PPP1R21: variants seen among roughly 807,000 people sequenced by gnomAD.
PPP1R21 encodes the protein KLRAQ motif containing 1.
A neutral mutation model predicts 112.8 loss-of-function variants in PPP1R21; 85 were observed. That is an observed-to-expected ratio of 0.75 (90% CI 0.63 to 0.90). PPP1R21 has a LOEUF of 0.90. PPP1R21 is among the 40% of genes least tolerant of loss of function. PPP1R21 has a pLI of 0.00. For missense variants in PPP1R21, 1,199 were observed against 901.5 expected (o/e 1.33, Z -4.23); for synonymous variants, 381 against 322.3 (o/e 1.18, Z -1.95).
At chr2:48,473,636 C>G (rs1351994008) in intron 11 of PPP1R21, among the ~76,000 whole-genome samples, 1 of 152,010 alleles carries the variant, frequency 6.6e-6, no homozygotes, top group Non-Finnish European at 1.5e-5. Context: ...AGTAAATGGG[C>G]TTAGAATGGA....
At chr2:48,471,977 C>T (rs1437148149) in intron 11 of PPP1R21, among the ~76,000 whole-genome samples, 8 of 151,980 alleles carry the variant, frequency 5.3e-5, no homozygotes, top group African/African-American at 9.7e-5. Flanking sequence ...CAGTGGCTCA[C>T]GCCTGTAATC....
chr2:48,502,484 A>G (rs1670162800), intron 17 of PPP1R21, among the ~76,000 whole-genome samples: 1 of 151,946 alleles, frequency 6.6e-6, no homozygotes, highest in East Asian at 1.9e-4. Context: ...AGTGACCTTA[A>G]GGGAACTAAT....
rs193112782 is a variant in PPP1R21 at position 48,453,341 on chromosome 2, A to G, written c.127-1254A>G. Among the ~76,000 whole-genome samples, 255 of 152,302 alleles carry G rather than the reference A, an allele frequency of 1.7e-3. 1 individual carries two copies. The highest frequency in any genetic ancestry group is 5.9e-3 in the African/African-American group (246 of 41,558). ...AATTGTTTCAGTGAAATTAGTAAAC[A>G]TACAGTTATTTTTTTATTTTCTATT... On this transcript the variant is annotated intron_variant, in intron 2 of 21. Transcript: ENST00000294952.
At chr2:48,482,477 A>T (rs1669060249) in intron 13 of PPP1R21, among the ~76,000 whole-genome samples, 1 of 152,208 alleles carries the variant, frequency 6.6e-6, no homozygotes, top group South Asian at 2.1e-4. Context: ...ATAGCATCAC[A>T]GCCTATGATT....
chr2:48,469,416 C>CAT (rs1245050251), intron 9 of PPP1R21, among the ~76,000 whole-genome samples: 776 of 60,092 alleles, frequency 0.013, 40 homozygotes, highest in Non-Finnish European at 0.02. Flanking sequence ...AGAGAGAGAG[C>CAT]ATATATATAT....
At chr2:48,441,669 G>A (rs1338743423) in intron 1 of PPP1R21, among the ~76,000 whole-genome samples, 1 of 152,184 alleles carries the variant, frequency 6.6e-6, no homozygotes, top group African/African-American at 2.4e-5. Flanking sequence ...AGCAACATGG[G>A]GACCTGCCCC....
In PPP1R21 at chr2:48,486,711, G is replaced by C; in HGVS notation, c.1399G>C (p.Asp467His). ...AACACAGAAGCTGATAACAACTAAT[G>C]ACTGTATCCTGTCATCAGTAGTGGC... ...TATQKLITTN[D>H]CILSSVVALT... Residue 467 changes from aspartate (D) to histidine (H), a missense_variant, in exon 14 of 22, where the codon GAC (aspartate) becomes CAC (histidine). By Grantham distance (81) the Asp-to-His change is moderately conservative. Transcript: ENST00000294952. The C allele has an allele frequency of 6.2e-7, 1 of 1,613,938 alleles. No individual in the cohort carries two copies. Among genetic ancestry groups the C allele is most frequent in the Non-Finnish European group, 8.5e-7 (1 of 1,179,908 alleles).
At position 48,486,748 on chromosome 2, in the gene PPP1R21, G is replaced by C; in HGVS notation, c.1436G>C (p.Gly479Ala). Residue 479 changes from glycine (G) to alanine (A), a missense_variant, in exon 14 of 22, where the codon GGA becomes GCA. By Grantham distance (60) the Gly-to-Ala change is moderately conservative. Transcript: ENST00000294952. ...ILSSVVALTN[G>A]AGKIASFFSN... ...TCATCAGTAGTGGCATTAACAAATG[G>C]AGCAGGAAAGGTAATTCTCTTCTGG... The C allele has an allele frequency of 6.2e-7, 1 of 1,612,440 alleles. No individual in the cohort carries two copies. Among genetic ancestry groups the C allele is most frequent in the Non-Finnish European group, 8.5e-7 (1 of 1,179,386 alleles).
intron 21 of PPP1R21, among the ~76,000 whole-genome samples, chr2:48,512,397 C>G (rs545243560): frequency 5.7e-4 from 87 of 151,956 alleles, no homozygotes; most frequent in Non-Finnish European, 1.0e-3. Flanking sequence ...ATTTTCATAA[C>G]TCAGTATTAT....
At chr2:48,478,725 G>T (rs1013936652) in intron 12 of PPP1R21, among the ~76,000 whole-genome samples, 3 of 152,106 alleles carry the variant, frequency 2.0e-5, no homozygotes, top group Non-Finnish European at 4.4e-5. Flanking sequence ...TCTGTTTCCT[G>T]TTCTCTCTGG....
intron 12 of PPP1R21, among the ~76,000 whole-genome samples, 171 bp downstream of exon 12, chr2:48,474,990 CT>C (rs1228300075): frequency 1.3e-5 from 2 of 152,206 alleles, no homozygotes; most frequent in Non-Finnish European, 2.9e-5. Context: ...GGGCAAAGCT[CT>C]TGACCTCTCT....
chr2:48,497,606 A>G (rs1669903095), intron 16 of PPP1R21, among the ~76,000 whole-genome samples: 2 of 152,096 alleles, frequency 1.3e-5, no homozygotes, highest in African/African-American at 4.8e-5. Context: ...AGTTTTAAAT[A>G]AATGGCAAAA....
At position 48,469,944 on chromosome 2, in the gene PPP1R21, T is replaced by A. The variant is rs529426625; in HGVS notation, c.898-1143T>A. On this transcript the variant is annotated intron_variant, in intron 9 of 21. Transcript: ENST00000294952. ...CATTATATTATACAGCTCTAAAGAT[T>A]GAAGCCCAAAGAGATTAAGTTACCC... 1.5e-4 allele frequency among the ~76,000 whole-genome samples: 23 copies of A among 152,256 alleles called. No individual in the cohort carries two copies. In the East Asian group the frequency reaches 4.1e-3, roughly 27 times the overall value.
chr2:48,457,987 G>A, intron 3 of PPP1R21, 139 bp from the exon 4 acceptor site: 1 of 655,248 alleles, frequency 1.5e-6, no homozygotes. Context: ...ATGATGAACT[G>A]TATAGCTTTT....
chr2:48,446,695 T>A (rs1667262813), intron 1 of PPP1R21, among the ~76,000 whole-genome samples: 2 of 152,218 alleles, frequency 1.3e-5, no homozygotes, highest in African/African-American at 2.4e-5. Context: ...CAAGGAAGTA[T>A]ACTGTAGTCT....
At position 48,465,583 on chromosome 2, in the gene PPP1R21, A is replaced by G; in HGVS notation, c.838A>G (p.Arg280Gly). 1 of 1,614,006 alleles carries G rather than the reference A, an allele frequency of 6.2e-7. No individual in the cohort carries two copies. Among genetic ancestry groups the G allele is most frequent in the Non-Finnish European group, 8.5e-7 (1 of 1,179,940 alleles). The change falls in exon 9 of 22, where the codon AGG becomes GGG. Residue 280 changes from arginine (R) to glycine (G), a missense_variant. Coordinates refer to ENST00000294952, the MANE Select transcript of PPP1R21 (RefSeq NM_001135629.3). ...LLNFHTYTEQRIQIFPVDSAI... is the reference protein window; with the variant it reads ...LLNFHTYTEQGIQIFPVDSAI... ...AAACTTTCATACCTACACAGAACAG[A>G]GGATTCAAATTTTTCCTGTTGATTC...
At chr2:48,470,385 G>A (rs1410641578) in intron 9 of PPP1R21, among the ~76,000 whole-genome samples, 1 of 152,052 alleles carries the variant, frequency 6.6e-6, no homozygotes, top group Non-Finnish European at 1.5e-5. Flanking sequence ...GGGCGTAGTG[G>A]TGAGCATCTG....
At chr2:48,501,317 C>T (rs1035144052) in intron 17 of PPP1R21, among the ~76,000 whole-genome samples, 2 of 152,196 alleles carry the variant, frequency 1.3e-5, no homozygotes, top group Non-Finnish European at 1.5e-5. Context: ...AGCTCCATTG[C>T]CTGTATCCAT....
At chr2:48,463,922 A>G (rs1402854594) in intron 7 of PPP1R21, among the ~76,000 whole-genome samples, 1 of 151,948 alleles carries the variant, frequency 6.6e-6, no homozygotes, top group African/African-American at 2.4e-5. Flanking sequence ...TGGAGAGGAG[A>G]GGAGGAATGG....
Sources: allele counts gnomAD v4.1 joint callset (sites outside exome capture counted in the v4.1 genomes callset), GRCh38; gene constraint gnomAD v4.1.1; transcripts MANE v1.5; gene names NCBI Gene and HGNC (gene_info 2026-07-23, HGNC 2026-07-21).